Variants in DDB1 observed in about 807,000 individuals in gnomAD.
The protein encoded by DDB1 is damage specific DNA binding protein 1.
DDB1 carries 18 observed loss-of-function variants against 133.1 expected under a neutral mutation model. The observed-to-expected ratio is 0.14, with a 90% CI of 0.09 to 0.20. The LOEUF (loss-of-function observed/expected upper bound fraction) is 0.20, where lower values mean the gene tolerates loss of function less well. DDB1 is among the 10% of genes least tolerant of loss of function. The pLI, the probability that DDB1 is intolerant of heterozygous loss-of-function variation, is 1.00. For missense variants in DDB1, 828 were observed against 1,459.2 expected (o/e 0.57, Z 7.05); for synonymous variants, 580 against 550.5 (o/e 1.05, Z -0.75).
rs779271195 is a variant in DDB1 at position 61,309,944 on chromosome 11, C to T, written c.2418G>A (p.Gln806=). The T allele has an allele frequency of 3.1e-6, 5 of 1,614,104 alleles. No individual in the cohort carries two copies. The highest frequency in any genetic ancestry group is 2.2e-5 in the East Asian group (1 of 44,900). ...QHTFEVLHAH[Q]FLQNEYALSL... ...TGAGGGCATATTCATTCTGCAGAAA[C>T]TGGTGGGCATGAAGCACTAGAGAGT... Residue 806 remains glutamine, a synonymous_variant, in exon 20 of 27, where the codon CAG becomes CAA. Transcript: ENST00000301764.
Position 61,299,829 on chromosome 11 carries a change from C to A in DDB1, c.*307G>T. On this transcript the variant is annotated 3_prime_UTR_variant, in exon 27 of 27. Transcript: ENST00000301764. ...CACACACGCACAGCTTCCTTTCAGC[C>A]AAAGAACTGCAAAATCCTTCCCCGG... is the stretch of plus-strand genomic sequence containing the variant. 1 of 460,438 alleles carries A rather than the reference C, an allele frequency of 2.2e-6. No individual in the cohort carries two copies. 28.5% of individuals were successfully genotyped at this position (460,438 alleles called of 1,614,324 possible).
At chr11:61,307,190 A>G (rs1369684840) in intron 21 of DDB1, among the ~76,000 whole-genome samples, 1 of 152,232 alleles carries the variant, frequency 6.6e-6, no homozygotes, top group Non-Finnish European at 1.5e-5. Context: ...GAAAAATTAA[A>G]AACAGAAAAT....
chr11:61,316,153 A>AT (rs1856062007), intron 12 of DDB1, 132 bp downstream of exon 12: 2 of 772,196 alleles, frequency 2.6e-6, no homozygotes, highest in South Asian at 3.4e-5. Context: ...ATTATCTGTA[A>AT]TTTTTTCCCT....
Position 61,333,037 on chromosome 11 carries a change from A to C in DDB1, c.-69T>G, listed in dbSNP as rs1049106875. 34 of 1,385,862 alleles carry C rather than the reference A, an allele frequency of 2.5e-5. No individual in the cohort carries two copies. The highest frequency in any genetic ancestry group is 3.3e-5 in the Non-Finnish European group (34 of 1,037,958). The allele number at this position is 1,385,862 out of a possible 1,614,324, so 85.8% of individuals were successfully genotyped here. On this transcript the variant is annotated 5_prime_UTR_variant, in exon 1 of 27. Coordinates refer to ENST00000301764, the MANE Select transcript of DDB1 (RefSeq NM_001923.5). ...GAAAGAGGGACACAAGCGAAAAGAC[A>C]GGTGGCCCCCAACAGCGCGCAGCGA... is the stretch of plus-strand genomic sequence containing the variant.
intron 18 of DDB1, chr11:61,311,297 A>ATAACC (rs1301184899): frequency 6.6e-6 from 1 of 151,206 alleles, no homozygotes; most frequent in African/African-American, 2.6e-5. Context: ...ATAACATAAC[A>ATAACC]TAACATAACA....
At chr11:61,316,255 G>A (rs1225805953) in intron 12 of DDB1, 30 bp downstream of exon 12, 16 of 1,595,044 alleles carry the variant, frequency 1.0e-5, no homozygotes, top group Non-Finnish European at 1.3e-5. Context: ...TCAAGTATAT[G>A]GTAACACCTG....
intron 23 of DDB1, 131 bp downstream of exon 23, chr11:61,302,915 C>A (rs1459415847): frequency 7.8e-7 from 1 of 1,275,200 alleles, no homozygotes; most frequent in Non-Finnish European, 1.1e-6. Flanking sequence ...ACCTTTTATT[C>A]TCTGACGAGG....
chr11:61,324,002 GATCCTTGAGAGTGACGGT>G lies in DDB1; in HGVS notation c.880_897del (p.Thr294_Asp299del). 6.2e-7 allele frequency: 1 copy of G among 1,613,354 alleles called. No homozygotes were observed. Among genetic ancestry groups the G allele is most frequent in the Non-Finnish European group, 8.5e-7 (1 of 1,179,744 alleles). On this transcript the variant is annotated inframe_deletion, in exon 7 of 27. Transcript: ENST00000301764. ...ACCTCTCCAAGGAGTTCTACACGGA[GATCCTTGAGAGTGACGGT>G]GCCATCCATCTGTTCCTCCTTCTCC...
chr11:61,309,062 A>T lies in DDB1; in HGVS notation c.2582T>A (p.Val861Glu). 1 of 1,614,174 alleles carries T rather than the reference A, an allele frequency of 6.2e-7. No individual in the cohort carries two copies. Among genetic ancestry groups the T allele is most frequent in the Non-Finnish European group, 8.5e-7 (1 of 1,180,038 alleles). The change falls in exon 21 of 27, where the codon GTG becomes GAG. Residue 861 changes from valine (V) to glutamate (E), a missense_variant. Transcript: ENST00000301764. ...GGCCCCTTTCACTTCCTTTTCAGCC[A>T]CAGTCTGTAGTTTTCCTGGGGGTGG... ...FQYSDGKLQT[V>E]AEKEVKGAVY... is the part of the protein sequence containing the mutation.
chr11:61,309,818 A>G lies in DDB1; in HGVS notation c.2544T>C (p.Ile848=), dbSNP rs1425327448. The change falls in exon 20 of 27, where the codon ATT becomes ATC. Residue 848 remains isoleucine (I), a synonymous_variant. Transcript: ENST00000301764. The stretch of plus-strand genomic sequence containing the variant: ...TACCATCCGAATACTGAAAGACCAC[A>G]ATGCGACCCTGCTTGGGCTCTGCCT... ...PEEAEPKQGR[I]VVFQYSDGKL... 4 of 1,613,884 alleles carry G rather than the reference A, an allele frequency of 2.5e-6. No individual in the cohort carries two copies. The highest frequency in any genetic ancestry group is 1.1e-5 in the South Asian group (1 of 91,068).
At chr11:61,304,573 G>A (rs1855854442) in intron 21 of DDB1, among the ~76,000 whole-genome samples, 1 of 152,170 alleles carries the variant, frequency 6.6e-6, no homozygotes, top group South Asian at 2.1e-4. Flanking sequence ...CACCCCGCAA[G>A]AGGGAAAAAG....
chr11:61,332,623 A>G (rs28720249), intron 1 of DDB1: 5,789 of 348,800 alleles, frequency 0.017, 218 homozygotes, highest in African/African-American at 0.091. Context: ...GACACCGCAC[A>G]ACCAACTCAC....
intron 12 of DDB1, 56 bp from the exon 13 acceptor site, chr11:61,314,542 G>C (rs575706851): frequency 2.0e-6 from 3 of 1,532,142 alleles, no homozygotes; most frequent in Non-Finnish European, 2.6e-6. Context: ...GTCCACACAG[G>C]AGTGGAAAGG....
intron 3 of DDB1, 76 bp from the exon 4 acceptor site, chr11:61,329,660 C>A: frequency 2.1e-6 from 3 of 1,412,186 alleles, no homozygotes; most frequent in South Asian, 1.3e-5. Context: ...ACCACTTGTG[C>A]AGAAAAATTT....
chr11:61,320,261 C>T lies in DDB1; in HGVS notation c.1225+1334G>A, dbSNP rs533355418. Among the ~76,000 whole-genome samples, 8 of 151,240 alleles carry T rather than the reference C, an allele frequency of 5.3e-5. 1 individual carries two copies. Among genetic ancestry groups the T allele is most frequent in the South Asian group, 4.2e-4 (2 of 4,790 alleles). The stretch of plus-strand genomic sequence containing the variant: ...TGTGGCCCAGGCTGTAGTGCAGTGG[C>T]GCAGTCTCAGCTCACTGCAACCTCC... On this transcript the variant is annotated intron_variant, in intron 10 of 26. Transcript: ENST00000301764.
intron 21 of DDB1, 43 bp downstream of exon 21, chr11:61,308,940 T>C (rs777652904): frequency 1.9e-6 from 3 of 1,591,012 alleles, no homozygotes; most frequent in African/African-American, 1.3e-5. Flanking sequence ...CTGCAGACAA[T>C]GATGGGCAGC....
intron 16 of DDB1, 54 bp from the exon 17 acceptor site, chr11:61,312,138 CTA>C: frequency 1.3e-6 from 2 of 1,519,282 alleles, no homozygotes; most frequent in Non-Finnish European, 1.8e-6. Context: ...GGCAAAGATT[CTA>C]TGAGGCAACT....
chr11:61,323,816 C>T, intron 7 of DDB1, 163 bp downstream of exon 7: 1 of 705,562 alleles, frequency 1.4e-6, no homozygotes, highest in Non-Finnish European at 2.4e-6. Context: ...GTGAGATGCT[C>T]CAATACCTAA....
intron 5 of DDB1, chr11:61,326,281 G>T (rs1856268822): frequency 4.5e-6 from 1 of 222,254 alleles, no homozygotes; most frequent in Non-Finnish European, 8.9e-6. Context: ...ATGAGGTAAA[G>T]AAATCAGATA....
Sources: allele counts gnomAD v4.1 joint callset (sites outside exome capture counted in the v4.1 genomes callset), GRCh38; gene constraint gnomAD v4.1.1; transcripts MANE v1.5; gene names NCBI Gene and HGNC (gene_info 2026-07-23, HGNC 2026-07-21).